NELL1: variants seen among roughly 807,000 people sequenced by gnomAD.
NELL1 encodes neural EGFL like 1, also known as protein kinase C-binding protein NELL1.
A neutral mutation model predicts 107.4 loss-of-function variants in NELL1; 76 were observed. The ratio of observed to expected loss-of-function variants is 0.71; its 90% confidence interval spans 0.59 to 0.86. The LOEUF (loss-of-function observed/expected upper bound fraction) is 0.86, where lower values mean the gene tolerates loss of function less well. Ranked by LOEUF, NELL1 falls within the 40% of genes least tolerant of loss-of-function variation. The pLI, the probability that NELL1 is intolerant of heterozygous loss-of-function variation, is 0.00. For missense variants in NELL1, 1,024 were observed against 1,005.5 expected (o/e 1.02, Z -0.25); for synonymous variants, 353 against 341.2 (o/e 1.03, Z -0.38).
chr11:20,942,359 A>G (rs1850873238), intron 10 of NELL1, among the ~76,000 whole-genome samples: 1 of 152,120 alleles, frequency 6.6e-6, no homozygotes, highest in African/African-American at 2.4e-5. Flanking sequence ...GTCTCTCTGC[A>G]TCAGTGGGTA....
intron 13 of NELL1, among the ~76,000 whole-genome samples, chr11:21,144,463 A>G (rs1670633): frequency 1 from 151,852 of 152,282 alleles, 75,716 homozygotes; most frequent in Non-Finnish European, 1. Flanking sequence ...AACAATGCAT[A>G]TAAAGCTTTA....
chr11:20,682,718 T>G (rs1319323434), intron 2 of NELL1, among the ~76,000 whole-genome samples: 1 of 152,062 alleles, frequency 6.6e-6, no homozygotes, highest in Non-Finnish European at 1.5e-5. Context: ...AGTTTACCTT[T>G]TTTCTTTTAT....
At chr11:20,674,351 C>A in intron 1 of NELL1, 1 of 652,924 alleles carries the variant, frequency 1.5e-6, no homozygotes, top group East Asian at 2.8e-5. Context: ...ATGAAACAAC[C>A]CCCAGCTGGG....
intron 13 of NELL1, among the ~76,000 whole-genome samples, chr11:21,180,418 A>G (rs1490579984): frequency 6.6e-6 from 1 of 151,778 alleles, no homozygotes; most frequent in African/African-American, 2.4e-5. Flanking sequence ...CATGATTTTT[A>G]TCAGATAATT....
chr11:20,713,016 A>G (rs1320381624), intron 2 of NELL1, among the ~76,000 whole-genome samples: 1 of 152,266 alleles, frequency 6.6e-6, no homozygotes, highest in African/African-American at 2.4e-5. Flanking sequence ...TGTTGCAGGC[A>G]GTGGAATTAC....
intron 12 of NELL1, among the ~76,000 whole-genome samples, chr11:21,069,237 A>T (rs778138239): frequency 1.3e-4 from 20 of 152,346 alleles, no homozygotes; most frequent in Non-Finnish European, 2.5e-4. Context: ...ACATTTACCT[A>T]TGTAACAAAG....
intron 12 of NELL1, among the ~76,000 whole-genome samples, chr11:21,087,693 T>G (rs986820589): frequency 3.9e-5 from 6 of 152,200 alleles, no homozygotes; most frequent in Non-Finnish European, 8.8e-5. Flanking sequence ...GCGAATTGTT[T>G]CCCTTTAGAT....
intron 14 of NELL1, among the ~76,000 whole-genome samples, chr11:21,272,349 C>T (rs535248462): frequency 1.3e-4 from 20 of 152,236 alleles, no homozygotes; most frequent in African/African-American, 3.8e-4. Context: ...GCAGTGAGGC[C>T]GGGGGAGGGG....
chr11:20,742,306 A>G (rs577081516), intron 2 of NELL1, among the ~76,000 whole-genome samples: 1 of 152,274 alleles, frequency 6.6e-6, no homozygotes, highest in South Asian at 2.1e-4. Context: ...GGAGAGTTCA[A>G]AGAGGTAGTA....
intron 14 of NELL1, among the ~76,000 whole-genome samples, chr11:21,276,287 C>CCCATTCACAATTGCTT (rs1289250921): frequency 2.6e-5 from 4 of 152,136 alleles, no homozygotes; most frequent in Admixed American, 2.6e-4. Flanking sequence ...TGAGTGAACT[C>CCCATTCACAATTGCTT]CCATTCACAA....
chr11:20,872,556 G>T (rs1340358543), intron 4 of NELL1, among the ~76,000 whole-genome samples: 1 of 152,088 alleles, frequency 6.6e-6, no homozygotes, highest in Non-Finnish European at 1.5e-5. Context: ...CTATCCTACT[G>T]CCTAGTAAAG....
At chr11:21,351,283 T>G (rs1010909000) in intron 14 of NELL1, among the ~76,000 whole-genome samples, 1 of 152,056 alleles carries the variant, frequency 6.6e-6, no homozygotes, top group Non-Finnish European at 1.5e-5. Flanking sequence ...TTTTGTTGGT[T>G]TAAGTCACCA....
intron 13 of NELL1, among the ~76,000 whole-genome samples, chr11:21,123,121 T>A (rs1371952946): frequency 6.6e-6 from 1 of 151,916 alleles, no homozygotes. Context: ...AAAATAAGAG[T>A]AACTTTATTA....
chr11:21,171,345 A>G, intron 13 of NELL1, among the ~76,000 whole-genome samples: 1 of 152,022 alleles, frequency 6.6e-6, no homozygotes, highest in East Asian at 1.9e-4. Flanking sequence ...AGCAAAATTC[A>G]TCTGTAATCT....
chr11:21,395,876 T>A (rs1297643265), intron 15 of NELL1, among the ~76,000 whole-genome samples: 1 of 150,580 alleles, frequency 6.6e-6, no homozygotes, highest in African/African-American at 2.4e-5. Context: ...CAACCAAGTG[T>A]GAGAATTTAT....
chr11:20,935,176 A>G (rs1004699379), intron 9 of NELL1, among the ~76,000 whole-genome samples: 4 of 152,146 alleles, frequency 2.6e-5, no homozygotes, highest in African/African-American at 7.2e-5. Context: ...AGCAGCAGGG[A>G]CATGGTGGGG....
intron 14 of NELL1, among the ~76,000 whole-genome samples, chr11:21,278,902 A>G: frequency 6.6e-6 from 1 of 152,170 alleles, no homozygotes; most frequent in East Asian, 1.9e-4. Context: ...ACAGTAATCA[A>G]AACAGTGTAG....
At chr11:21,439,303 C>T (rs965123254) in intron 15 of NELL1, among the ~76,000 whole-genome samples, 1 of 152,112 alleles carries the variant, frequency 6.6e-6, no homozygotes, top group East Asian at 1.9e-4. Flanking sequence ...TTATAAAGCA[C>T]AGAGAAGGAC....
intron 14 of NELL1, among the ~76,000 whole-genome samples, chr11:21,329,596 G>T (rs1253103355): frequency 2.0e-5 from 3 of 152,078 alleles, no homozygotes; most frequent in African/African-American, 7.2e-5. Flanking sequence ...TCTATATACA[G>T]TATAAATTAT....
Sources: gnomAD v4.1 joint callset for allele counts (sites outside exome capture counted in the v4.1 genomes callset) on GRCh38, gnomAD v4.1.1 for gene constraint, MANE v1.5 for transcripts, NCBI Gene and HGNC (gene_info 2026-07-23, HGNC 2026-07-21) for gene names.